Variants in GALNTL6 observed in about 807,000 individuals in gnomAD.
GALNTL6 encodes polypeptide N-acetylgalactosaminyltransferase-like 6.
Under a neutral mutation model 73.7 loss-of-function variants are expected in GALNTL6, and 46 were observed. The observed-to-expected ratio is 0.62, with a 90% CI of 0.49 to 0.80. The LOEUF (loss-of-function observed/expected upper bound fraction) is 0.80, where lower values mean the gene tolerates loss of function less well. Among genes scored for constraint, GALNTL6 ranks in the 30% least tolerant of loss-of-function variants. GALNTL6 has a pLI of 0.00. For missense variants in GALNTL6, 604 were observed against 755.0 expected, an observed-to-expected ratio of 0.80 and a Z score of 2.34; for synonymous variants, 259 against 263.7, an observed-to-expected ratio of 0.98 and a Z score of 0.17.
intron 2 of GALNTL6, among the ~76,000 whole-genome samples, chr4:171,975,113 C>T (rs554192428): frequency 5.3e-5 from 8 of 152,284 alleles, no homozygotes; most frequent in African/African-American, 1.2e-4. Flanking sequence ...ATAGCAACCA[C>T]GGGTAGTAAG....
intron 4 of GALNTL6, among the ~76,000 whole-genome samples, chr4:172,332,867 A>G (rs1741178524): frequency 6.6e-6 from 1 of 152,136 alleles, no homozygotes; most frequent in African/African-American, 2.4e-5. Context: ...TAATTTTTTG[A>G]GAAATCGTCA....
chr4:172,633,850 A>C (rs1190494671), intron 5 of GALNTL6, among the ~76,000 whole-genome samples: 1 of 152,164 alleles, frequency 6.6e-6, no homozygotes, highest in African/African-American at 2.4e-5. Flanking sequence ...GTTTCATGAG[A>C]TCTGATGGTT....
chr4:171,863,043 G>A (rs550249110), intron 2 of GALNTL6, among the ~76,000 whole-genome samples: 11 of 152,248 alleles, frequency 7.2e-5, no homozygotes, highest in African/African-American at 1.9e-4. Flanking sequence ...TTATTTCAAA[G>A]AATTTTGTAT....
intron 5 of GALNTL6, among the ~76,000 whole-genome samples, chr4:172,349,584 T>A (rs2111217653): frequency 6.6e-6 from 1 of 152,204 alleles, no homozygotes; most frequent in African/African-American, 2.4e-5. Flanking sequence ...AAAGATAGAC[T>A]GCTTGGTGTG....
At chr4:172,801,242 T>C (rs1395171680) in intron 5 of GALNTL6, among the ~76,000 whole-genome samples, 1 of 152,220 alleles carries the variant, frequency 6.6e-6, no homozygotes, top group African/African-American at 2.4e-5. Flanking sequence ...TATGCTACAT[T>C]TTTTGCATAG....
intron 2 of GALNTL6, among the ~76,000 whole-genome samples, chr4:172,108,072 C>G (rs1476752864): frequency 6.6e-6 from 1 of 152,122 alleles, no homozygotes; most frequent in East Asian, 1.9e-4. Context: ...CTTTATTACT[C>G]TGGGGAAACA....
At chr4:172,051,141 C>T (rs1730846328) in intron 2 of GALNTL6, among the ~76,000 whole-genome samples, 1 of 152,002 alleles carries the variant, frequency 6.6e-6, no homozygotes, top group Admixed American at 6.6e-5. Flanking sequence ...AGGGGTGTGG[C>T]TTGTGTGTTC....
chr4:172,656,206 G>A (rs923170285), intron 5 of GALNTL6, among the ~76,000 whole-genome samples: 3 of 152,228 alleles, frequency 2.0e-5, no homozygotes, highest in Non-Finnish European at 4.4e-5. Flanking sequence ...GGGTGATGCC[G>A]AAGTTCAATC....
At chr4:172,072,321 A>G (rs1388681201) in intron 2 of GALNTL6, among the ~76,000 whole-genome samples, 1 of 151,978 alleles carries the variant, frequency 6.6e-6, no homozygotes, top group African/African-American at 2.4e-5. Context: ...ATTTTTAGTG[A>G]CTAAGGTTTG....
At chr4:172,052,945 T>C (rs1271550719) in intron 2 of GALNTL6, among the ~76,000 whole-genome samples, 1 of 152,118 alleles carries the variant, frequency 6.6e-6, no homozygotes, top group Non-Finnish European at 1.5e-5. Flanking sequence ...AAACAATAGT[T>C]ACATGAAGTT....
chr4:172,231,630 C>T (rs1348454560), intron 3 of GALNTL6, among the ~76,000 whole-genome samples: 1 of 152,064 alleles, frequency 6.6e-6, no homozygotes, highest in Non-Finnish European at 1.5e-5. Context: ...TGTGGCAAAT[C>T]AATTTCTGTT....
intron 2 of GALNTL6, among the ~76,000 whole-genome samples, chr4:172,156,279 G>A (rs971500447): frequency 6.6e-6 from 1 of 152,046 alleles, no homozygotes; most frequent in African/African-American, 2.4e-5. Flanking sequence ...GGGGCAAGTG[G>A]CCTTGAGCCT....
In GALNTL6 at chr4:172,363,398, A is replaced by G. The variant is rs553270649; in HGVS notation, c.553+14709A>G. Among the ~76,000 whole-genome samples the G allele has an allele frequency of 1.4e-4, 21 of 152,294 alleles. No homozygotes were observed. The South Asian group carries it at 3.9e-3, about 29-fold the overall frequency. Reference sequence around the variant, plus strand: ...TGGCCTTGAACAAATTACTTAAAAAATATAAAAAAACACTCCATGACTCAG... The same window carrying G: ...TGGCCTTGAACAAATTACTTAAAAAGTATAAAAAAACACTCCATGACTCAG... On this transcript the variant is annotated intron_variant, in intron 5 of 12. Coordinates refer to ENST00000506823, the MANE Select transcript of GALNTL6 (RefSeq NM_001034845.3).
intron 8 of GALNTL6, among the ~76,000 whole-genome samples, chr4:172,930,896 C>T (rs573539925): frequency 6.6e-6 from 1 of 152,250 alleles, no homozygotes; most frequent in Non-Finnish European, 1.5e-5. Flanking sequence ...ACCACCTGGG[C>T]TCAAGTGATC....
intron 10 of GALNTL6, among the ~76,000 whole-genome samples, chr4:172,958,914 G>A (rs1749897982): frequency 6.6e-6 from 1 of 152,174 alleles, no homozygotes; most frequent in African/African-American, 2.4e-5. Context: ...AGCATATGGG[G>A]TTGGCACCAT....
chr4:172,059,863 C>T (rs1435087600), intron 2 of GALNTL6, among the ~76,000 whole-genome samples: 7 of 151,916 alleles, frequency 4.6e-5, no homozygotes, highest in African/African-American at 1.2e-4. Context: ...ATTATCTCTC[C>T]GAGGTTTAAA....
intron 2 of GALNTL6, among the ~76,000 whole-genome samples, chr4:172,016,091 G>A (rs1741186216): frequency 6.6e-6 from 1 of 151,540 alleles, no homozygotes; most frequent in Non-Finnish European, 1.5e-5. Flanking sequence ...TGAGCTTCTT[G>A]TATTTGCATG....
intron 7 of GALNTL6, among the ~76,000 whole-genome samples, chr4:172,816,322 T>G (rs1741603847): frequency 1.3e-5 from 2 of 152,262 alleles, no homozygotes; most frequent in African/African-American, 4.8e-5. Flanking sequence ...ATTATCTAAT[T>G]TATTCTGCCA....
At chr4:172,243,553 A>T (rs539598667) in intron 3 of GALNTL6, among the ~76,000 whole-genome samples, 1 of 152,292 alleles carries the variant, frequency 6.6e-6, no homozygotes, top group South Asian at 2.1e-4. Context: ...AGAACCTGCC[A>T]CAACATGCTT....
Sources: gnomAD v4.1 joint callset for allele counts (sites outside exome capture counted in the v4.1 genomes callset) on GRCh38, gnomAD v4.1.1 for gene constraint, MANE v1.5 for transcripts, NCBI Gene and HGNC (gene_info 2026-07-23, HGNC 2026-07-21) for gene names.